Variants in FOXP2 observed in about 807,000 individuals in gnomAD.
The protein encoded by FOXP2 is forkhead box P2, also known as forkhead box protein P2.
In FOXP2, 12 loss-of-function variants were observed where a neutral mutation model predicts 115.8. That is an observed-to-expected ratio of 0.10 (90% CI 0.07 to 0.17). The LOEUF is 0.17. Ranked by LOEUF, FOXP2 falls within the 10% of genes least tolerant of loss-of-function variation. The pLI, the probability that FOXP2 is intolerant of heterozygous loss-of-function variation, is 1.00. For missense variants in FOXP2, 629 were observed against 843.5 expected (o/e 0.75, Z 3.15); for synonymous variants, 328 against 297.7 (o/e 1.10, Z -1.05).
chr7:114,405,028 C>T (rs1792998766), intron 2 of FOXP2, among the ~76,000 whole-genome samples: 1 of 151,778 alleles, frequency 6.6e-6, no homozygotes, highest in Non-Finnish European at 1.5e-5. Context: ...TTGATGTTGG[C>T]CCATTTTACA....
chr7:114,420,907 T>C (rs1793591340), intron 1 of FOXP2, among the ~76,000 whole-genome samples: 1 of 151,766 alleles, frequency 6.6e-6, no homozygotes, highest in Admixed American at 6.6e-5. Flanking sequence ...TTTTTACATG[T>C]TTGAGAAATA....
At chr7:114,568,546 A>G (rs1801135148) in intron 3 of FOXP2, among the ~76,000 whole-genome samples, 1 of 151,884 alleles carries the variant, frequency 6.6e-6, no homozygotes, top group African/African-American at 2.4e-5. Context: ...TGTTTGAAAT[A>G]TGGTTAGGTT....
chr7:114,402,795 G>T (rs1193720630), intron 2 of FOXP2, among the ~76,000 whole-genome samples: 2 of 151,712 alleles, frequency 1.3e-5, no homozygotes, highest in Non-Finnish European at 2.9e-5. Context: ...CCCGGATATT[G>T]ATTTTTGTTT....
At chr7:114,466,436 A>G (rs1185880521) in intron 2 of FOXP2, among the ~76,000 whole-genome samples, 1 of 152,176 alleles carries the variant, frequency 6.6e-6, no homozygotes, top group Non-Finnish European at 1.5e-5. Context: ...TGTTGTCACT[A>G]TGGTTACTTA....
intron 3 of FOXP2, among the ~76,000 whole-genome samples, chr7:114,620,246 C>G (rs1352280148): frequency 6.6e-6 from 1 of 152,008 alleles, no homozygotes; most frequent in African/African-American, 2.4e-5. Context: ...TGATTCCAAG[C>G]TTAGAAATAA....
chr7:114,411,502 G>A (rs949884541), upstream of FOXP2, among the ~76,000 whole-genome samples: 3 of 152,082 alleles, frequency 2.0e-5, no homozygotes, highest in Non-Finnish European at 2.9e-5. Context: ...GAATTTCACA[G>A]TACTGCTGTA....
At chr7:114,574,137 G>A (rs1217326038) in intron 3 of FOXP2, among the ~76,000 whole-genome samples, 1 of 151,472 alleles carries the variant, frequency 6.6e-6, no homozygotes, top group East Asian at 1.9e-4. Flanking sequence ...GCAATACTGG[G>A]CAGTAATTGT....
intron 3 of FOXP2, among the ~76,000 whole-genome samples, chr7:114,550,112 CT>C (rs941573098): frequency 0.02 from 2,092 of 103,308 alleles, 12 homozygotes; most frequent in African/African-American, 0.071. Context: ...CCTTTCTTTT[CT>C]TTTTTTTTTT....
At chr7:114,160,995 G>A (rs148413703), upstream of FOXP2, among the ~76,000 whole-genome samples, 10 of 152,278 alleles carry the variant, frequency 6.6e-5, no homozygotes, top group Admixed American at 1.3e-4. Context: ...ACAACAAAAA[G>A]TATTTGTTAT....
At chr7:114,505,667 G>T (rs1022726145) in intron 2 of FOXP2, among the ~76,000 whole-genome samples, 12 of 151,214 alleles carry the variant, frequency 7.9e-5, no homozygotes, top group Non-Finnish European at 1.8e-4. Context: ...CTTTTGGGGG[G>T]GTCTTCATTT....
At chr7:114,589,107 T>C (rs1190608643) in intron 3 of FOXP2, among the ~76,000 whole-genome samples, 1 of 152,202 alleles carries the variant, frequency 6.6e-6, no homozygotes, top group Non-Finnish European at 1.5e-5. Context: ...TTTTGTTTTA[T>C]AAAGCCACTA....
chr7:114,378,450 GAGAA>G (rs1225474890), intron 2 of FOXP2, among the ~76,000 whole-genome samples: 1 of 151,932 alleles, frequency 6.6e-6, no homozygotes, highest in Admixed American at 6.6e-5. Context: ...TTGGGAGGCT[GAGAA>G]AGAAGGATTT....
intron 1 of FOXP2, among the ~76,000 whole-genome samples, chr7:114,145,800 C>T (rs538363851): frequency 8.5e-5 from 13 of 152,072 alleles, no homozygotes; most frequent in South Asian, 6.2e-4. Flanking sequence ...ATGAGATTTT[C>T]GCAAATTTTA....
intron 1 of FOXP2, among the ~76,000 whole-genome samples, chr7:114,247,382 C>T (rs2129168750): frequency 6.6e-6 from 1 of 152,294 alleles, no homozygotes; most frequent in South Asian, 2.1e-4. Context: ...AGTTAATCAT[C>T]ATCTTTTGTA....
In FOXP2 at chr7:114,591,886, A is replaced by AC. The variant is rs201205295; in HGVS notation, c.259-36652dup. 6.8e-3 allele frequency among the ~76,000 whole-genome samples: 1,029 copies of AC among 152,198 alleles called. 13 individuals are homozygous for AC. Among genetic ancestry groups the AC allele is most frequent in the African/African-American group, 0.024 (995 of 41,552 alleles). The stretch of plus-strand genomic sequence containing the variant: ...TATATCTGTGGTGTCCAACAGAGGA[A>AC]CCACTAGCCATATGTGGCTATTGGG... On this transcript the variant is annotated intron_variant, in intron 3 of 16. Transcript: ENST00000350908.
intron 2 of FOXP2, among the ~76,000 whole-genome samples, chr7:114,451,504 A>G (rs748774772): frequency 6.6e-5 from 10 of 152,042 alleles, no homozygotes; most frequent in East Asian, 1.9e-4. Flanking sequence ...CACTCATTAA[A>G]TGATTATAGT....
chr7:114,378,010 C>A (rs1268510673), intron 2 of FOXP2, among the ~76,000 whole-genome samples: 1 of 152,162 alleles, frequency 6.6e-6, no homozygotes, highest in African/African-American at 2.4e-5. Context: ...TCATCTTTCT[C>A]AGTTTATCCT....
chr7:114,486,572 G>A (rs557847605), intron 2 of FOXP2, among the ~76,000 whole-genome samples: 11 of 152,088 alleles, frequency 7.2e-5, no homozygotes, highest in Admixed American at 3.9e-4. Context: ...TAACTTAAAC[G>A]TCCACAGTCC....
chr7:114,135,881 T>C (rs1792024170), intron 1 of FOXP2, among the ~76,000 whole-genome samples: 1 of 152,108 alleles, frequency 6.6e-6, no homozygotes, highest in Non-Finnish European at 1.5e-5. Context: ...AAGGAGATAA[T>C]TCTGATAATT....
Sources: allele counts gnomAD v4.1 joint callset (sites outside exome capture counted in the v4.1 genomes callset), GRCh38; gene constraint gnomAD v4.1.1; transcripts MANE v1.5; gene names NCBI Gene and HGNC (gene_info 2026-07-23, HGNC 2026-07-21).